The following EDDM13 variants were observed in gnomAD, a reference collection of about 807,000 sequenced individuals.
EDDM13 encodes epididymal protein 13.
A neutral mutation model predicts 17.8 loss-of-function variants in EDDM13; 24 were observed. That is an observed-to-expected ratio of 1.35 (90% CI 0.98 to 1.90). The LOEUF is 1.90. Among genes scored for constraint, EDDM13 ranks in the 40% most tolerant of loss-of-function variants. The pLI, the probability that EDDM13 is intolerant of heterozygous loss-of-function variation, is 0.00. For synonymous variants in EDDM13, 31 were observed against 37.5 expected (o/e 0.83, Z 0.63); for missense variants, 97 against 100.8 (o/e 0.96, Z 0.16).
intron 1 of EDDM13, among the ~76,000 whole-genome samples, chr19:56,273,522 G>T (rs1329728208): frequency 2.0e-5 from 3 of 152,140 alleles, no homozygotes; most frequent in Non-Finnish European, 4.4e-5. Context: ...CTAGTGTGGG[G>T]ATTCGGAGAT....
chr19:56,307,288 G>A (rs1286820018), intron 14 of EDDM13, among the ~76,000 whole-genome samples: 1 of 152,042 alleles, frequency 6.6e-6, no homozygotes, highest in East Asian at 1.9e-4. Flanking sequence ...ATGTCAACTC[G>A]ATCATACGAT....
chr19:56,306,032 A>G (rs1378639921), intron 14 of EDDM13, among the ~76,000 whole-genome samples: 1 of 152,116 alleles, frequency 6.6e-6, no homozygotes, highest in Non-Finnish European at 1.5e-5. Flanking sequence ...TGCTCAGCAG[A>G]CCACCTCAGA....
chr19:56,284,253 C>T lies in EDDM13; in HGVS notation c.127+47C>T, dbSNP rs144358599. ...AATGCCCCCAGACTGTGCACTTTGG[C>T]GGGAAATTTTGGGCTTTGCTCTAGA... On this transcript the variant is annotated intron_variant, in intron 5 of 14. Transcript: ENST00000649256. 1.7e-5 allele frequency: 16 copies of T among 914,728 alleles called. No homozygotes were observed. In the East Asian group the frequency reaches 3.5e-4, roughly 20 times the overall value. 56.7% of individuals were successfully genotyped at this position (914,728 alleles called of 1,614,324 possible).
intron 13 of EDDM13, among the ~76,000 whole-genome samples, chr19:56,302,617 TCCTCCCTC>T (rs1357109603): frequency 2.9e-5 from 3 of 101,842 alleles, no homozygotes; most frequent in Non-Finnish European, 5.7e-5. Context: ...CTCTCCCTCT[TCCTCCCTC>T]CCTCCTCCTC....
intron 2 of EDDM13, among the ~76,000 whole-genome samples, chr19:56,276,504 C>CTATTT (rs767095656): frequency 1.0e-5 from 1 of 97,056 alleles, no homozygotes; most frequent in Non-Finnish European, 2.6e-5. Context: ...ATCTAAAGAG[C>CTATTT]TCTTTTTTTT....
At chr19:56,304,871 G>A in intron 14 of EDDM13, 41 bp downstream of exon 14, 1 of 894,142 alleles carries the variant, frequency 1.1e-6, no homozygotes, top group Non-Finnish European at 1.3e-6. Context: ...CACCGCTGGG[G>A]TGGGGTTAGG....
At chr19:56,304,279 T>C (rs1282308999) in intron 13 of EDDM13, among the ~76,000 whole-genome samples, 1 of 152,022 alleles carries the variant, frequency 6.6e-6, no homozygotes, top group East Asian at 1.9e-4. Flanking sequence ...ATAAGGAAAA[T>C]GGAGAGACCA....
At chr19:56,307,526 G>C (rs2040771429) in intron 14 of EDDM13, among the ~76,000 whole-genome samples, 1 of 152,212 alleles carries the variant, frequency 6.6e-6, no homozygotes, top group African/African-American at 2.4e-5. Context: ...GAGGTGATGA[G>C]ATTTGCAAGC....
chr19:56,274,173 G>A (rs2038070385), intron 1 of EDDM13, among the ~76,000 whole-genome samples: 1 of 152,182 alleles, frequency 6.6e-6, no homozygotes, highest in Non-Finnish European at 1.5e-5. Context: ...CTCTGTAGAG[G>A]TCGGGCGCGG....
intron 2 of EDDM13, among the ~76,000 whole-genome samples, chr19:56,280,398 C>G (rs1023753304): frequency 1.3e-5 from 2 of 152,132 alleles, no homozygotes; most frequent in Admixed American, 1.3e-4. Context: ...TTTAAATAAT[C>G]CTTCAAAGAA....
chr19:56,277,985 AC>A (rs147977999), intron 2 of EDDM13, among the ~76,000 whole-genome samples: 2,485 of 152,304 alleles, frequency 0.016, 28 homozygotes, highest in South Asian at 0.049. Context: ...CTGTTTCCAA[AC>A]CAAAAAAGTT....
intron 12 of EDDM13, among the ~76,000 whole-genome samples, chr19:56,299,444 T>TA (rs57347831): frequency 0.084 from 11,991 of 143,168 alleles, 952 homozygotes; most frequent in African/African-American, 0.2. Flanking sequence ...TGTTCATGAT[T>TA]AAAAAAAAAA....
intron 9 of EDDM13, among the ~76,000 whole-genome samples, chr19:56,293,562 G>C (rs60841745): frequency 6.6e-6 from 1 of 152,220 alleles, no homozygotes; most frequent in East Asian, 1.9e-4. Flanking sequence ...CCACTTTCTA[G>C]TTCCGTGGGC....
chr19:56,288,107 C>T (rs2039261092), intron 6 of EDDM13, among the ~76,000 whole-genome samples: 1 of 152,102 alleles, frequency 6.6e-6, no homozygotes, highest in African/African-American at 2.4e-5. Flanking sequence ...GAGCACAGGC[C>T]CAAATGGGTC....
intron 2 of EDDM13, among the ~76,000 whole-genome samples, chr19:56,280,379 G>A (rs904879521): frequency 1.4e-4 from 22 of 152,060 alleles, no homozygotes; most frequent in Admixed American, 2.6e-4. Context: ...GTTTTCAGTA[G>A]TTTGCTCTTT....
intron 12 of EDDM13, among the ~76,000 whole-genome samples, chr19:56,298,839 C>T (rs1347572050): frequency 2.6e-5 from 4 of 152,114 alleles, no homozygotes; most frequent in East Asian, 1.9e-4. Flanking sequence ...TTTCCCAACT[C>T]GGTTTTAGGA....
intron 1 of EDDM13, chr19:56,274,774 G>T (rs1280816806): frequency 2.0e-5 from 3 of 151,654 alleles, no homozygotes; most frequent in African/African-American, 7.3e-5. Context: ...TTTTTGTTTT[G>T]TTTTGTTTTG....
intron 9 of EDDM13, among the ~76,000 whole-genome samples, chr19:56,292,029 T>G (rs185733926): frequency 6.6e-6 from 1 of 152,278 alleles, no homozygotes; most frequent in Admixed American, 6.5e-5. Context: ...GTTAGGTAAC[T>G]AGATCAAGAC....
chr19:56,288,934 T>C (rs1441994271), intron 8 of EDDM13, among the ~76,000 whole-genome samples, 43 bp downstream of exon 8: 1 of 152,176 alleles, frequency 6.6e-6, no homozygotes, highest in Non-Finnish European at 1.5e-5. Flanking sequence ...TAGATTCTCA[T>C]AACCACCGCT....
Sources: allele counts gnomAD v4.1 joint callset (sites outside exome capture counted in the v4.1 genomes callset), GRCh38; gene constraint gnomAD v4.1.1; transcripts MANE v1.5; gene names NCBI Gene and HGNC (gene_info 2026-07-23, HGNC 2026-07-21).